The following OPHN1 variants were observed in gnomAD, a reference collection of about 807,000 sequenced individuals.
OPHN1 encodes oligophrenin 1.
OPHN1 carries 11 observed loss-of-function variants against 60.7 expected under a neutral mutation model. That is an observed-to-expected ratio of 0.18 (90% CI 0.11 to 0.30). The LOEUF is 0.30. Among genes scored for constraint, OPHN1 ranks in the 10% least tolerant of loss-of-function variants. OPHN1 has a pLI of 1.00. For missense variants in OPHN1, 449 were observed against 611.0 expected, an observed-to-expected ratio of 0.73 and a Z score of 2.80; for synonymous variants, 226 against 222.6, an observed-to-expected ratio of 1.02 and a Z score of -0.14.
chrX:68,200,995 C>CTGA lies in OPHN1; in HGVS notation c.1025+621_1025+623dup, dbSNP rs749039016. Among the ~76,000 whole-genome samples, 16 of 112,080 alleles carry CTGA rather than the reference C, an allele frequency of 1.4e-4. No individual in the cohort carries two copies. In the South Asian group the frequency reaches 5.9e-3, roughly 42 times the overall value. On this transcript the variant is annotated intron_variant, in intron 11 of 24. Coordinates refer to ENST00000355520, the MANE Select transcript of OPHN1 (RefSeq NM_002547.3). The stretch of plus-strand genomic sequence containing the variant: ...AAATTTTAATGGTTAAAATTCTCCT[C>CTGA]TGATAAAACTGCTCAGGTTCAAGTA...
chrX:68,196,670 T>A (rs2077514081), intron 12 of OPHN1, among the ~76,000 whole-genome samples: 1 of 112,083 alleles, frequency 8.9e-6, no homozygotes, highest in Non-Finnish European at 1.9e-5. Context: ...GAACGGTACA[T>A]CTTGTGATAC....
chrX:68,223,280 A>G (rs1474608505), intron 6 of OPHN1, among the ~76,000 whole-genome samples: 1 of 112,502 alleles, frequency 8.9e-6, no homozygotes, highest in Non-Finnish European at 1.9e-5. Context: ...AAGACAGGAA[A>G]TCAATCTAAG....
intron 2 of OPHN1, among the ~76,000 whole-genome samples, chrX:68,408,369 C>T (rs1029462426): frequency 4.5e-5 from 5 of 111,948 alleles, no homozygotes; most frequent in African/African-American, 1.6e-4. Context: ...AGACTCCTCA[C>T]TTCACCTCCA....
intron 15 of OPHN1, among the ~76,000 whole-genome samples, chrX:68,139,070 A>G (rs1322161440): frequency 2.7e-5 from 3 of 111,870 alleles, no homozygotes; most frequent in South Asian, 3.7e-4. Flanking sequence ...TATATTTGGT[A>G]ACAGAATCAG....
At chrX:68,174,151 T>G (rs893538087) in intron 15 of OPHN1, among the ~76,000 whole-genome samples, 2 of 111,761 alleles carry the variant, frequency 1.8e-5, no homozygotes, top group African/African-American at 6.5e-5. Context: ...AATTAAAAAA[T>G]GGGGCAAAAA....
intron 19 of OPHN1, among the ~76,000 whole-genome samples, chrX:68,091,379 A>G (rs1421171075): frequency 9.0e-6 from 1 of 111,169 alleles, no homozygotes; most frequent in Non-Finnish European, 1.9e-5. Flanking sequence ...TGTAGGTGAG[A>G]AAATGAGTTT....
At chrX:68,160,042 CAT>C (rs1463940276) in intron 15 of OPHN1, among the ~76,000 whole-genome samples, 1 of 106,423 alleles carries the variant, frequency 9.4e-6, no homozygotes, top group African/African-American at 3.4e-5. Flanking sequence ...ATAGCAAACA[CAT>C]GTTAGATTTA....
intron 23 of OPHN1, among the ~76,000 whole-genome samples, chrX:68,051,088 T>C (rs112019029): frequency 0.018 from 1,985 of 111,693 alleles, 23 homozygotes; most frequent in Non-Finnish European, 0.028. Context: ...TGCAGAATCA[T>C]GTCCTAGTGT....
At chrX:68,350,627 C>G (rs1602346124) in intron 2 of OPHN1, among the ~76,000 whole-genome samples, 1 of 107,819 alleles carries the variant, frequency 9.3e-6, no homozygotes, top group South Asian at 4.2e-4. Context: ...GACATCCTCC[C>G]CCACTCAGCC....
chrX:68,405,095 G>T (rs895116579), intron 2 of OPHN1, among the ~76,000 whole-genome samples: 4 of 112,330 alleles, frequency 3.6e-5, no homozygotes, highest in Admixed American at 2.8e-4. Flanking sequence ...TTTAAAAAAA[G>T]AATTCGTATG....
At chrX:68,426,438 C>G (rs2147790844) in intron 2 of OPHN1, among the ~76,000 whole-genome samples, 1 of 104,204 alleles carries the variant, frequency 9.6e-6, no homozygotes, top group African/African-American at 3.4e-5. Context: ...AAGACTCTGT[C>G]TCAACAACAA....
intron 2 of OPHN1, among the ~76,000 whole-genome samples, chrX:68,351,346 T>C (rs903938500): frequency 9.0e-6 from 1 of 111,687 alleles, no homozygotes; most frequent in African/African-American, 3.2e-5. Flanking sequence ...ACCTCACCAC[T>C]GACTGTAAAC....
intron 21 of OPHN1, among the ~76,000 whole-genome samples, chrX:68,058,159 T>C (rs770193699): frequency 9.1e-6 from 1 of 110,304 alleles, no homozygotes; most frequent in Non-Finnish European, 1.9e-5. Flanking sequence ...TTAAAATAAT[T>C]AATCCCTCTG....
intron 2 of OPHN1, among the ~76,000 whole-genome samples, chrX:68,390,715 CTG>C (rs1438631392): frequency 8.9e-6 from 1 of 111,983 alleles, no homozygotes; most frequent in Non-Finnish European, 1.9e-5. Flanking sequence ...TAAATGGTCC[CTG>C]CCCTTGTACA....
chrX:68,116,691 C>A (rs761336017), intron 16 of OPHN1, among the ~76,000 whole-genome samples: 2 of 111,590 alleles, frequency 1.8e-5, no homozygotes, highest in East Asian at 5.6e-4. Context: ...TACCCAAATT[C>A]GACATATCCA....
intron 2 of OPHN1, among the ~76,000 whole-genome samples, chrX:68,427,547 T>A (rs184686955): frequency 1.4e-4 from 15 of 108,998 alleles, no homozygotes; most frequent in African/African-American, 5.0e-4. Context: ...AAATCGCTTA[T>A]CAAGGTCACA....
chrX:68,417,658 A>G (rs1376036632), intron 2 of OPHN1, among the ~76,000 whole-genome samples: 2 of 112,535 alleles, frequency 1.8e-5, no homozygotes. Flanking sequence ...CATGTTTTCT[A>G]TTAAACATCA....
At chrX:68,215,476 T>C (rs1483193635) in intron 6 of OPHN1, among the ~76,000 whole-genome samples, 1 of 110,931 alleles carries the variant, frequency 9.0e-6, no homozygotes, top group Non-Finnish European at 1.9e-5. Context: ...TCCAGAAAGC[T>C]CAGGATAAAT....
intron 2 of OPHN1, among the ~76,000 whole-genome samples, chrX:68,337,319 C>T (rs1383269977): frequency 9.0e-6 from 1 of 110,596 alleles, no homozygotes; most frequent in Non-Finnish European, 1.9e-5. Flanking sequence ...ACGTATTGTT[C>T]GATTTTTAAA....
Sources: gnomAD v4.1 joint callset for allele counts (sites outside exome capture counted in the v4.1 genomes callset) on GRCh38, gnomAD v4.1.1 for gene constraint, MANE v1.5 for transcripts, NCBI Gene and HGNC (gene_info 2026-07-23, HGNC 2026-07-21) for gene names.